HAGH: variants seen among roughly 807,000 people sequenced by gnomAD.
HAGH encodes hydroxyacylglutathione hydrolase.
Under a neutral mutation model 35.1 loss-of-function variants are expected in HAGH, and 29 were observed. The observed-to-expected ratio is 0.83, with a 90% CI of 0.62 to 1.13. The LOEUF (loss-of-function observed/expected upper bound fraction) is 1.13, where lower values mean the gene tolerates loss of function less well. Ranked by LOEUF, HAGH falls within the 50% of genes most tolerant of loss-of-function variation. The pLI, the probability that HAGH is intolerant of heterozygous loss-of-function variation, is 0.00. For synonymous variants in HAGH, 225 were observed against 176.1 expected (o/e 1.28, Z -2.20); for missense variants, 478 against 419.6 (o/e 1.14, Z -1.22).
intron 5 of HAGH, among the ~76,000 whole-genome samples, chr16:1,817,596 T>C (rs1897963485): frequency 1.3e-5 from 2 of 152,152 alleles, no homozygotes; most frequent in Non-Finnish European, 2.9e-5. Context: ...GCAGCCCCTC[T>C]CAGGCCCATG....
intron 7 of HAGH, among the ~76,000 whole-genome samples, chr16:1,813,540 G>C (rs1343315790): frequency 6.6e-6 from 1 of 152,154 alleles, no homozygotes; most frequent in East Asian, 1.9e-4. Flanking sequence ...ACACGTGCAA[G>C]ACCTTGAACA....
At position 1,822,904 on chromosome 16, in the gene HAGH, G is replaced by C. The variant is rs1418066182; in HGVS notation, c.210C>G (p.Thr70=). The C allele has an allele frequency of 6.2e-7, 1 of 1,613,822 alleles. No individual in the cohort carries two copies. Among genetic ancestry groups the C allele is most frequent in the Non-Finnish European group, 8.5e-7 (1 of 1,179,934 alleles). Residue 70 remains threonine, a synonymous_variant, in exon 2 of 9, where the codon ACC becomes ACG. Transcript: ENST00000397356. ...NYMYLVIDDE[T]KEAAIVDPVQ... is the part of the protein sequence containing the mutation. Reference sequence around the variant, plus strand: ...CCGGATCCACAATGGCAGCCTCCTTGGTCTCATCATCAATGACCAGGTACA... The same window carrying C: ...CCGGATCCACAATGGCAGCCTCCTTCGTCTCATCATCAATGACCAGGTACA...
intron 7 of HAGH, among the ~76,000 whole-genome samples, chr16:1,816,329 C>G (rs533159681): frequency 5.8e-4 from 88 of 151,858 alleles, no homozygotes; most frequent in African/African-American, 2.0e-3. Context: ...AAAAGATGCT[C>G]AAAAAACCGG....
At chr16:1,819,596 G>A (rs1420409152) in intron 4 of HAGH, among the ~76,000 whole-genome samples, 1 of 152,190 alleles carries the variant, frequency 6.6e-6, no homozygotes, top group African/African-American at 2.4e-5. Context: ...CCTCAAAAAG[G>A]CTGAAGACAC....
chr16:1,826,682 C>T (rs1898447600), intron 1 of HAGH, 30 bp downstream of exon 1: 2 of 992,764 alleles, frequency 2.0e-6, no homozygotes, highest in Non-Finnish European at 2.4e-6. Flanking sequence ...GGCCCGCGTC[C>T]CCCGGCCCGC....
At chr16:1,822,247 CG>C in intron 3 of HAGH, 52 bp downstream of exon 3, 1 of 1,218,262 alleles carries the variant, frequency 8.2e-7, no homozygotes, top group Non-Finnish European at 1.2e-6. Context: ...CTAAACCCAC[CG>C]GGGCGAGAAG....
rs1194321019 is a variant in HAGH, at chr16:1,822,292, G to A, written c.314+8C>T. On this transcript the variant is annotated splice_region_variant and intron_variant, in intron 3 of 8. Coordinates refer to ENST00000397356, the MANE Select transcript of HAGH (RefSeq NM_005326.6). ...GTCCCACACCCCCAGGTGAGACGCG[G>A]CACTTACCAGTGGTGGTGGGTGGTG... 6 of 1,595,390 alleles carry A rather than the reference G, an allele frequency of 3.8e-6. No individual in the cohort carries two copies. Among genetic ancestry groups the A allele is most frequent in the East Asian group, 2.2e-5 (1 of 44,798 alleles).
intron 1 of HAGH, among the ~76,000 whole-genome samples, chr16:1,824,604 C>T (rs1391769197): frequency 5.9e-5 from 9 of 152,318 alleles, no homozygotes; most frequent in East Asian, 1.9e-4. Flanking sequence ...GTAGGTGCCA[C>T]GGCAGGGGCT....
chr16:1,812,395 T>C (rs1052911437), intron 7 of HAGH: 1 of 141,914 alleles, frequency 7.0e-6, no homozygotes, highest in Non-Finnish European at 1.5e-5. Flanking sequence ...TCCCAGCTAC[T>C]TGGGAGGCTG....
intron 8 of HAGH, 114 bp from the exon 9 acceptor site, chr16:1,809,496 C>T (rs768301181): frequency 3.2e-5 from 27 of 848,354 alleles, no homozygotes; most frequent in African/African-American, 1.7e-4. Flanking sequence ...TCAGAGGACA[C>T]GGAGGGCGGG....
At chr16:1,823,482 T>G (rs572721637) in intron 1 of HAGH, among the ~76,000 whole-genome samples, 1 of 152,038 alleles carries the variant, frequency 6.6e-6, no homozygotes, top group East Asian at 1.9e-4. Context: ...TTAGCCAGGA[T>G]GGTCTCGATC....
intron 1 of HAGH, among the ~76,000 whole-genome samples, chr16:1,823,533 C>T (rs1596941793): frequency 6.6e-6 from 1 of 151,902 alleles, no homozygotes; most frequent in East Asian, 1.9e-4. Flanking sequence ...TCCCAAAGTG[C>T]TGGGATGACA....
At chr16:1,813,996 G>A (rs563648576) in intron 7 of HAGH, among the ~76,000 whole-genome samples, 7 of 152,162 alleles carry the variant, frequency 4.6e-5, no homozygotes, top group Admixed American at 2.6e-4. Context: ...ATCACACTGC[G>A]AGAGGGTGAA....
intron 7 of HAGH, among the ~76,000 whole-genome samples, chr16:1,811,488 G>A (rs1477675588): frequency 1.6e-5 from 1 of 63,704 alleles, no homozygotes; most frequent in Non-Finnish European, 3.5e-5. Flanking sequence ...TGAGGCAGGT[G>A]GATCACCTGA....
rs1057070 is a variant in HAGH, at chr16:1,809,152, T to C, written c.*131A>G. 0.74 allele frequency: 480,855 copies of C among 646,686 alleles called. 179,730 individuals are homozygous for C. Among genetic ancestry groups the C allele is most frequent in the Middle Eastern group, 0.81 (3,069 of 3,810 alleles). The allele number at this position is 646,686 out of a possible 1,614,324, so 40.1% of individuals were successfully genotyped here. ...CTTCTCTTATAAATATGCATTAGAATGTCCGATAACACAAGCCAAGGGCTG... is the reference window on the plus strand; with the variant it reads ...CTTCTCTTATAAATATGCATTAGAACGTCCGATAACACAAGCCAAGGGCTG... On this transcript the variant is annotated 3_prime_UTR_variant, in exon 9 of 9. Transcript: ENST00000397356.
rs138102620 is a variant in HAGH at position 1,816,945 on chromosome 16, C to T, written c.695G>A (p.Arg232His). 1,455 of 1,613,866 alleles carry T rather than the reference C, an allele frequency of 9.0e-4. 3 individuals carry two copies. Among genetic ancestry groups the T allele is most frequent in the Non-Finnish European group, 1.2e-3 (1,387 of 1,179,768 alleles). Residue 232 changes from arginine (R) to histidine (H), a missense_variant, in exon 7 of 9, where the codon CGC becomes CAC. Physicochemically the swap from Arg to His is conservative, Grantham distance 29. Coordinates refer to ENST00000397356, the MANE Select transcript of HAGH (RefSeq NM_005326.6). ...EYTINNLKFA[R>H]HVEPGNAAIR... ...GGCGGCATTGCCGGGCTCCACGTGG[C>T]GTGCAAACTTGAGGTTGTTGATGGT...
intron 2 of HAGH, 144 bp downstream of exon 2, chr16:1,822,721 A>T (rs238678): frequency 5.8e-6 from 4 of 686,688 alleles, no homozygotes; most frequent in Non-Finnish European, 1.0e-5. Flanking sequence ...CCCTTCTTGG[A>T]GCCCTGTTAA....
At chr16:1,826,862 C>A, upstream of HAGH, 1 of 928,436 alleles carries the variant, frequency 1.1e-6, no homozygotes, top group Non-Finnish European at 1.4e-6. Flanking sequence ...AGCCAATCAG[C>A]GCCCGCCTCG....
chr16:1,826,899 C>T (rs1022179824), upstream of HAGH: 14 of 734,494 alleles, frequency 1.9e-5, no homozygotes, highest in South Asian at 3.4e-4. Context: ...TCAGCGTCCA[C>T]CTCGCACCGT....
Sources: allele counts gnomAD v4.1 joint callset (sites outside exome capture counted in the v4.1 genomes callset), GRCh38; gene constraint gnomAD v4.1.1; transcripts MANE v1.5; gene names NCBI Gene and HGNC (gene_info 2026-07-23, HGNC 2026-07-21).